Variants in SLC36A1 observed in about 807,000 individuals in gnomAD.
The protein encoded by SLC36A1 is proton-coupled amino acid transporter 1.
SLC36A1 carries 30 observed loss-of-function variants against 47.5 expected under a neutral mutation model. The ratio of observed to expected loss-of-function variants is 0.63; its 90% CI spans 0.47 to 0.86. SLC36A1 has a LOEUF of 0.86. Among genes scored for constraint, SLC36A1 ranks in the 40% least tolerant of loss-of-function variants. The probability of loss-of-function intolerance (pLI) is 0.00; values close to 1 mark genes in which losing one functional copy is unlikely to be tolerated. For synonymous variants in SLC36A1, 255 were observed against 249.7 expected (o/e 1.02, Z -0.20); for missense variants, 517 against 606.0 (o/e 0.85, Z 1.54).
At chr5:151,346,530 G>A in the SLC36A1 span, among the ~76,000 whole-genome samples, 65 of 152,280 alleles carry the variant, frequency 4.3e-4, no homozygotes, top group Middle Eastern at 3.4e-3. Context: ...CAGGCCTTCT[G>A]ATTCTCTGTC....
At chr5:151,486,071 A>G (rs936582988) in intron 10 of SLC36A1, among the ~76,000 whole-genome samples, 7 of 152,194 alleles carry the variant, frequency 4.6e-5, no homozygotes, top group African/African-American at 1.7e-4. Flanking sequence ...TTATAAAGAA[A>G]AGAGGTTTAT....
At chr5:151,517,863 A>G in the SLC36A1 span, 2 of 1,409,780 alleles carry the variant, frequency 1.4e-6, no homozygotes, top group South Asian at 1.3e-5. Flanking sequence ...GGCAGACAGA[A>G]TCATTGCTCA....
chr5:151,505,455 G>A, the SLC36A1 span: 2 of 1,326,880 alleles, frequency 1.5e-6, no homozygotes, highest in Non-Finnish European at 2.1e-6. Context: ...TGGGCTGAGG[G>A]CTTCCCTCCC....
chr5:151,533,393 A>AAAACACACAC, the SLC36A1 span, among the ~76,000 whole-genome samples: 2,414 of 132,138 alleles, frequency 0.018, 32 homozygotes, highest in East Asian at 0.038. Flanking sequence ...TGTTATCTCC[A>AAAACACACAC]ACACACACAC....
chr5:151,523,988 C>T, the SLC36A1 span, among the ~76,000 whole-genome samples: 12 of 152,262 alleles, frequency 7.9e-5, no homozygotes, highest in African/African-American at 2.9e-4. Context: ...CAACTCCTAT[C>T]AATTTACATA....
At chr5:151,476,496 A>G in intron 8 of SLC36A1, 94 bp from the exon 9 acceptor site, 1 of 1,014,836 alleles carries the variant, frequency 9.9e-7, no homozygotes, top group East Asian at 2.5e-5. Context: ...TCTGGGGATA[A>G]AAGAGTTACT....
At position 151,487,373 on chromosome 5, in the gene SLC36A1, G is replaced by T. The variant is rs557897749; in HGVS notation, c.1160-610G>T. On this transcript the variant is annotated intron_variant, in intron 10 of 10. Transcript: ENST00000243389. The stretch of plus-strand genomic sequence containing the variant: ...GCTCACCCGTGGCTGAGTTTCAGAT[G>T]TGAGAGCCAGTGGGTGTCCTGTCAC... Among the ~76,000 whole-genome samples the T allele has an allele frequency of 3.7e-3, 558 of 152,324 alleles. 5 individuals carry two copies. The highest frequency in any genetic ancestry group is 7.6e-3 in the Admixed American group (116 of 15,306).
At chr5:151,348,070 T>C in the SLC36A1 span, among the ~76,000 whole-genome samples, 8 of 152,138 alleles carry the variant, frequency 5.3e-5, no homozygotes, top group Non-Finnish European at 1.0e-4. Context: ...CTGTAAGACA[T>C]CCCTTCTTGC....
chr5:151,551,000 T>C, the SLC36A1 span: 1 of 787,810 alleles, frequency 1.3e-6, no homozygotes, highest in African/African-American at 1.7e-5. Context: ...TTGATAAATA[T>C]TTGTTGAATG....
rs1275198191 is a variant in SLC36A1, at chr5:151,479,324, T to C, written c.994T>C (p.Tyr332His). The change falls in exon 10 of 11, where the codon TAC (tyrosine) becomes CAC (histidine). Residue 332 changes from tyrosine to histidine, a missense_variant. Physicochemically the swap from Tyr to His is moderately conservative, Grantham distance 83. Transcript: ENST00000243389. ...GTCTCCTGTCTGTTTCGGCAGGTTGTACCAGTCAGTTAAGCTGCTGTACTC... is the reference window on the plus strand; with the variant it reads ...GTCTCCTGTCTGTTTCGGCAGGTTGCACCAGTCAGTTAAGCTGCTGTACTC... Reference protein sequence around the residue: ...ITLNLPNCWLYQSVKLLYSIG... With the variant: ...ITLNLPNCWLHQSVKLLYSIG... The C allele has an allele frequency of 6.2e-7, 1 of 1,613,970 alleles. No individual in the cohort carries two copies. Among genetic ancestry groups the C allele is most frequent in the Non-Finnish European group, 8.5e-7 (1 of 1,179,932 alleles).
the SLC36A1 span, among the ~76,000 whole-genome samples, chr5:151,391,715 T>C: frequency 1.6e-4 from 24 of 152,172 alleles, no homozygotes; most frequent in African/African-American, 5.8e-4. Context: ...TATTGATTTG[T>C]GTTTGTTGAA....
At chr5:151,555,041 G>A in the SLC36A1 span, among the ~76,000 whole-genome samples, 2 of 152,220 alleles carry the variant, frequency 1.3e-5, no homozygotes, top group African/African-American at 4.8e-5. Flanking sequence ...GAAAATAAAT[G>A]AGAAAATGTT....
chr5:151,381,012 A>G, the SLC36A1 span: 6 of 395,498 alleles, frequency 1.5e-5, no homozygotes, highest in East Asian at 6.1e-5. Flanking sequence ...CTGACAGACT[A>G]TGCTCTCTTG....
chr5:151,467,617 G>A, intron 6 of SLC36A1, 90 bp from the exon 7 acceptor site: 1 of 1,110,058 alleles, frequency 9.0e-7, no homozygotes, highest in Non-Finnish European at 1.4e-6. Flanking sequence ...ACACACCTGA[G>A]CCTTTCCTCA....
At chr5:151,398,285 A>G in the SLC36A1 span, among the ~76,000 whole-genome samples, 5,986 of 152,210 alleles carry the variant, frequency 0.039, 386 homozygotes, top group African/African-American at 0.14. Flanking sequence ...GGCAATTAGA[A>G]TGTACAAGCT....
the SLC36A1 span, among the ~76,000 whole-genome samples, chr5:151,418,071 G>T: frequency 1.3e-5 from 2 of 152,266 alleles, no homozygotes; most frequent in South Asian, 4.1e-4. Context: ...TAAATGTGGT[G>T]TTGGGCCTAC....
chr5:151,366,450 G>T, the SLC36A1 span: 1 of 243,944 alleles, frequency 4.1e-6, no homozygotes, highest in Non-Finnish European at 8.4e-6. Flanking sequence ...TCAGCTCATG[G>T]AGGGCCTAGA....
the SLC36A1 span, among the ~76,000 whole-genome samples, chr5:151,392,813 T>C: frequency 1.3e-5 from 2 of 152,310 alleles, no homozygotes; most frequent in South Asian, 4.1e-4. Flanking sequence ...AGGAGTGCTT[T>C]ACTTCCAACT....
chr5:151,354,259 G>T, the SLC36A1 span, among the ~76,000 whole-genome samples: 1 of 152,172 alleles, frequency 6.6e-6, no homozygotes, highest in Non-Finnish European at 1.5e-5. Flanking sequence ...AGCCAAGATC[G>T]CACCACTGCA....
Sources: allele counts gnomAD v4.1 joint callset (sites outside exome capture counted in the v4.1 genomes callset), GRCh38; gene constraint gnomAD v4.1.1; transcripts MANE v1.5; gene names NCBI Gene and HGNC (gene_info 2026-07-23, HGNC 2026-07-21).